BAG6: variants seen among roughly 807,000 people sequenced by gnomAD.
BAG6 encodes BAG cochaperone 6.
BAG6 carries 22 observed loss-of-function variants against 121.0 expected under a neutral mutation model. The observed-to-expected ratio is 0.18, with a 90% confidence interval of 0.13 to 0.26. The LOEUF (loss-of-function observed/expected upper bound fraction) is 0.26. Among genes scored for constraint, BAG6 ranks in the 10% least tolerant of loss-of-function variants. BAG6 has a pLI of 1.00. For missense variants in BAG6, 1,233 were observed against 1,537.7 expected (o/e 0.80, Z 3.31); for synonymous variants, 583 against 584.6 (o/e 1.00, Z 0.04).
At position 31,645,404 on chromosome 6, in the gene BAG6, C is replaced by T. The variant is rs1787968446; in HGVS notation, c.1116+3G>A. ...CCCTCAGGCCAGACTCCCCCTAACC[C>T]ACCTGTATGGGAATGGCTGCCTGCT... On this transcript the variant is annotated splice_donor_region_variant and intron_variant, in intron 9 of 25. Transcript: ENST00000676615. The T allele has an allele frequency of 6.2e-7, 1 of 1,613,086 alleles. No homozygotes were observed. The highest frequency in any genetic ancestry group is 1.3e-5 in the African/African-American group (1 of 75,052).
In BAG6 at chr6:31,640,166, A is replaced by G; in HGVS notation, c.3246+33T>C. 1.3e-6 allele frequency: 2 copies of G among 1,582,280 alleles called. No individual in the cohort carries two copies. The highest frequency in any genetic ancestry group is 1.7e-6 in the Non-Finnish European group (2 of 1,162,462). The stretch of plus-strand genomic sequence containing the variant: ...CCAGGCATGACGGGGAAACCTGGAT[A>G]GAGAGAGAGGCTTAGGGAAGAGGAA... On this transcript the variant is annotated intron_variant, in intron 24 of 25. Coordinates refer to ENST00000676615, the MANE Select transcript of BAG6 (RefSeq NM_001387994.1). The surrounding 1 kb of genome is among the most constrained non-coding windows in gnomAD (Gnocchi z 4.2).
chr6:31,643,382 T>C (rs983544157), intron 14 of BAG6, among the ~76,000 whole-genome samples: 1 of 150,094 alleles, frequency 6.7e-6, no homozygotes, highest in African/African-American at 2.5e-5. Flanking sequence ...ATTGCACCAT[T>C]GCACTCCAGT....
intron 4 of BAG6, 116 bp downstream of exon 4, chr6:31,649,083 A>C: frequency 2.7e-6 from 4 of 1,501,298 alleles, no homozygotes; most frequent in Non-Finnish European, 2.7e-6. Context: ...CCAATAGCAC[A>C]CCACAGGGCC....
chr6:31,647,440 T>A, intron 7 of BAG6, 151 bp downstream of exon 7: 1 of 1,149,296 alleles, frequency 8.7e-7, no homozygotes, highest in South Asian at 1.5e-5. Context: ...GTCATTTACC[T>A]ATACCGAGAG....
Position 31,644,242 on chromosome 6 carries a change from C to T in BAG6, c.1556-48G>A, listed in dbSNP as rs570430999. On this transcript the variant is annotated intron_variant, in intron 12 of 25. Coordinates refer to ENST00000676615, the MANE Select transcript of BAG6 (RefSeq NM_001387994.1). This position sits in a 1 kb window ranked among gnomAD's most constrained non-coding sequence, Gnocchi z 4.9. ...ACCGAAGAGGGCTGAGGGCCAGGCC[C>T]TTGCCAGCCAGCTGCCACCATGGAC... 2.3e-5 allele frequency: 36 copies of T among 1,580,204 alleles called. No individual in the cohort carries two copies. The South Asian group carries it at 3.8e-4, about 17-fold the overall frequency.
intron 4 of BAG6, 116 bp from the exon 5 acceptor site, chr6:31,649,080 C>A: frequency 1.3e-6 from 2 of 1,499,652 alleles, no homozygotes; most frequent in South Asian, 1.2e-5. Flanking sequence ...AGACCAATAG[C>A]ACACCACAGG....
intron 2 of BAG6, among the ~76,000 whole-genome samples, chr6:31,651,037 T>A (rs777238061): frequency 2.6e-5 from 4 of 152,204 alleles, no homozygotes; most frequent in Admixed American, 6.5e-5. Context: ...TTGCTTAGGG[T>A]TCCTGTGCTG....
intron 15 of BAG6, 43 bp downstream of exon 15, chr6:31,642,786 C>G: frequency 6.3e-7 from 1 of 1,597,904 alleles, no homozygotes; most frequent in Non-Finnish European, 8.5e-7. Context: ...CTGGCTGGGC[C>G]GGGGGACAGG....
At chr6:31,645,681 C>G in intron 8 of BAG6, 77 bp from the exon 9 acceptor site, 1 of 1,528,320 alleles carries the variant, frequency 6.5e-7, no homozygotes, top group Non-Finnish European at 8.9e-7. Context: ...AGCAATAATG[C>G]CTACTGAGAA....
At chr6:31,645,382 T>C (rs527538392) in intron 9 of BAG6, 25 bp downstream of exon 9, 1 of 1,612,946 alleles carries the variant, frequency 6.2e-7, no homozygotes, top group East Asian at 2.2e-5. Context: ...TCACTCTCCC[T>C]CAGGCCAGAC....
chr6:31,642,302 T>G lies in BAG6; in HGVS notation c.2145A>C (p.Ala715=). ...MPPPGSPSGG[A]GSPGGLGLES... ...CAAGACCCAGGCCTCCAGGACTCCCTGCGCCACCAGAAGGGGAGCCTGGTG... is the reference window on the plus strand; with the variant it reads ...CAAGACCCAGGCCTCCAGGACTCCCGGCGCCACCAGAAGGGGAGCCTGGTG... Residue 715 remains alanine, a synonymous_variant, in exon 16 of 26, where the codon GCA becomes GCC. Transcript: ENST00000676615. 7.4e-7 allele frequency: 1 copy of G among 1,348,674 alleles called. No homozygotes were observed. The highest frequency in any genetic ancestry group is 9.8e-7 in the Non-Finnish European group (1 of 1,018,746). 83.5% of individuals were successfully genotyped at this position (1,348,674 alleles called of 1,614,324 possible).
At chr6:31,647,466 C>T (rs1322803912) in intron 7 of BAG6, 125 bp downstream of exon 7, 8 of 1,439,646 alleles carry the variant, frequency 5.6e-6, no homozygotes, top group Non-Finnish European at 2.8e-6. Flanking sequence ...CTCCTCGCCC[C>T]TCAATGCTAA....
In BAG6 at chr6:31,644,890, G is replaced by T. The variant is rs1787319956; in HGVS notation, c.1369+56C>A. 1.3e-6 allele frequency: 2 copies of T among 1,540,252 alleles called. No homozygotes were observed. The highest frequency in any genetic ancestry group is 2.7e-5 in the African/African-American group (2 of 72,818). On this transcript the variant is annotated intron_variant, in intron 10 of 25. Transcript: ENST00000676615. The surrounding 1 kb of genome is among the most constrained non-coding windows in gnomAD (Gnocchi z 4.9). ...CCCCACCCTGTTCCCTCACACCTCA[G>T]CATGAACCTCCCTCATCATGCTGAT... is the stretch of plus-strand genomic sequence containing the variant.
chr6:31,641,238 A>G lies in BAG6; in HGVS notation c.2663-10T>C. 6.2e-7 allele frequency: 1 copy of G among 1,614,202 alleles called. No homozygotes were observed. Among genetic ancestry groups the G allele is most frequent in the Admixed American group, 1.7e-5 (1 of 60,018 alleles). On this transcript the variant is annotated splice_polypyrimidine_tract_variant and intron_variant, in intron 19 of 25. Transcript: ENST00000676615. This position sits in a 1 kb window ranked among gnomAD's most constrained non-coding sequence, Gnocchi z 5.7. The stretch of plus-strand genomic sequence containing the variant: ...GCCCCAAATCCACTATCTGTGGGCA[A>G]AATACAAGGAGGGAATGCTGGCACG...
At position 31,641,436 on chromosome 6, in the gene BAG6, T is replaced by C. The variant is rs199836874; in HGVS notation, c.2560-14A>G. ...CTGCACCAAGGACTGAGAGACAAGA[T>C]AACACAAAGATCCCAAAATCAAGAA... On this transcript the variant is annotated splice_polypyrimidine_tract_variant and intron_variant, in intron 18 of 25. Coordinates refer to ENST00000676615, the MANE Select transcript of BAG6 (RefSeq NM_001387994.1). The surrounding 1 kb of genome is among the most constrained non-coding windows in gnomAD (Gnocchi z 5.7). The C allele has an allele frequency of 3.1e-6, 5 of 1,614,006 alleles. No homozygotes were observed. The highest frequency in any genetic ancestry group is 1.7e-5 in the Admixed American group (1 of 60,006).
intron 15 of BAG6, 196 bp downstream of exon 15, chr6:31,642,633 C>T (rs1375215307): frequency 1.8e-5 from 13 of 730,374 alleles, no homozygotes; most frequent in Non-Finnish European, 2.6e-5. Context: ...ACACTAATTA[C>T]TATACTTTCT....
Position 31,648,763 on chromosome 6 carries a change from G to A in BAG6, c.478-12C>T, listed in dbSNP as rs150787743. The A allele has an allele frequency of 4.3e-6, 7 of 1,614,032 alleles. No homozygotes were observed. In the African/African-American group the frequency reaches 5.3e-5, roughly 12 times the overall value. ...ACCCGGGGCTCACTCTACAATGAGA[G>A]AAGGTTTATCAGGGTAGGTTACAGA... On this transcript the variant is annotated splice_polypyrimidine_tract_variant and intron_variant, in intron 5 of 25. Coordinates refer to ENST00000676615, the MANE Select transcript of BAG6 (RefSeq NM_001387994.1).
chr6:31,645,228 G>A, intron 9 of BAG6, 30 bp from the exon 10 acceptor site: 1 of 1,600,390 alleles, frequency 6.2e-7, no homozygotes, highest in Non-Finnish European at 8.5e-7. Context: ...AGGCAGATGT[G>A]AGAAAAATAC....
At chr6:31,650,187 G>A (rs1794788969) in intron 2 of BAG6, among the ~76,000 whole-genome samples, 1 of 151,966 alleles carries the variant, frequency 6.6e-6, no homozygotes. Context: ...AAAACACATG[G>A]ACATTATATT....
Sources: allele counts gnomAD v4.1 joint callset (sites outside exome capture counted in the v4.1 genomes callset), GRCh38; gene constraint gnomAD v4.1.1; non-coding constraint Gnocchi (gnomAD v3.1); transcripts MANE v1.5; gene names NCBI Gene and HGNC (gene_info 2026-07-23, HGNC 2026-07-21).